Variants in APOL1 observed in about 807,000 individuals in gnomAD.
APOL1 encodes apolipoprotein L 1.
A neutral mutation model predicts 14.9 loss-of-function variants in APOL1; 17 were observed. The observed-to-expected ratio is 1.14, with a 90% confidence interval of 0.78 to 1.71. APOL1 has a LOEUF of 1.71. APOL1 is among the 40% of genes most tolerant of loss of function. APOL1 has a pLI of 0.00. For synonymous variants in APOL1, 195 were observed against 184.8 expected (o/e 1.05, Z -0.45); for missense variants, 523 against 485.9 (o/e 1.08, Z -0.72).
At position 36,255,005 on chromosome 22, in the gene APOL1, C is replaced by T. The variant is rs1311594164; in HGVS notation, c.44+6C>T. The T allele has an allele frequency of 6.2e-7, 1 of 1,613,214 alleles. No individual in the cohort carries two copies. The highest frequency in any genetic ancestry group is 1.1e-5 in the South Asian group (1 of 91,070). ...GTCTCTGTCCTCTGCATCTGGTGAG[C>T]TTGGCTCAGAGCCCTGAGGCGGGAG... On this transcript the variant is annotated splice_donor_region_variant and intron_variant, in intron 2 of 5. Coordinates refer to ENST00000397278, the MANE Select transcript of APOL1 (RefSeq NM_003661.4).
At chr22:36,258,624 G>T (rs2146301082) in intron 4 of APOL1, among the ~76,000 whole-genome samples, 1 of 152,310 alleles carries the variant, frequency 6.6e-6, no homozygotes. Flanking sequence ...AAACAGAAGT[G>T]CAGGCTCAGG....
chr22:36,259,787 C>G (rs1298129012), intron 4 of APOL1: 2 of 1,304,130 alleles, frequency 1.5e-6, no homozygotes, highest in African/African-American at 3.0e-5. Context: ...CCCCCATGCC[C>G]CGTCGAAGAA....
At chr22:36,255,837 T>C (rs2146296439) in intron 2 of APOL1, among the ~76,000 whole-genome samples, 1 of 150,882 alleles carries the variant, frequency 6.6e-6, no homozygotes, top group Non-Finnish European at 1.5e-5. Flanking sequence ...GGGCCTGAAA[T>C]GGTATTGTTA....
chr22:36,262,612 T>A (rs1049650132), intron 5 of APOL1, among the ~76,000 whole-genome samples: 6 of 152,152 alleles, frequency 3.9e-5, no homozygotes, highest in African/African-American at 1.4e-4. Context: ...GGGCTGGGAC[T>A]AGGGTGTGGA....
At chr22:36,256,214 G>T (rs1333722813) in intron 2 of APOL1, among the ~76,000 whole-genome samples, 1 of 152,088 alleles carries the variant, frequency 6.6e-6, no homozygotes, top group Admixed American at 6.5e-5. Context: ...AGACTACTGA[G>T]AGCCAGTAAG....
At position 36,266,109 on chromosome 22, in the gene APOL1, T is replaced by G. The variant is rs775011298; in HGVS notation, c.*76T>G. 451 of 1,432,436 alleles carry G rather than the reference T, an allele frequency of 3.1e-4. No homozygotes were observed. Among genetic ancestry groups the G allele is most frequent in the Non-Finnish European group, 4.1e-4 (434 of 1,063,136 alleles). 88.7% of individuals were successfully genotyped at this position (1,432,436 alleles called of 1,614,324 possible). On this transcript the variant is annotated 3_prime_UTR_variant, in exon 6 of 6. Coordinates refer to ENST00000397278, the MANE Select transcript of APOL1 (RefSeq NM_003661.4). ...CAAAATGCAAACTTTTTTTTTTTTC[T>G]GAGACAGAGTCTTGCTCTGTCGCCA...
intron 3 of APOL1, 89 bp downstream of exon 3, chr22:36,257,225 G>T (rs187772600): frequency 5.2e-5 from 83 of 1,606,290 alleles, no homozygotes; most frequent in South Asian, 6.6e-5. Context: ...TTCCACCCCA[G>T]AGAGATTTGC....
At chr22:36,256,952 A>T in intron 2 of APOL1, 131 bp from the exon 3 acceptor site, 1 of 911,520 alleles carries the variant, frequency 1.1e-6, no homozygotes, top group Non-Finnish European at 1.7e-6. Context: ...TAGTTATCAC[A>T]CATGCTCCCA....
At chr22:36,254,098 T>C (rs1160666196) in intron 1 of APOL1, 19 of 1,353,920 alleles carry the variant, frequency 1.4e-5, no homozygotes, top group South Asian at 6.0e-5. Context: ...GCTTCAATAT[T>C]AGAGTCACAA....
At position 36,266,378 on chromosome 22, in the gene APOL1, C is replaced by T. The variant is rs979438130; in HGVS notation, c.*345C>T. The T allele has an allele frequency of 1.7e-5, 7 of 401,310 alleles. No individual in the cohort carries two copies. The highest frequency in any genetic ancestry group is 1.0e-4 in the South Asian group (1 of 9,914). The allele number at this position is 401,310 out of a possible 1,614,324, so 24.9% of individuals were successfully genotyped here. On this transcript the variant is annotated 3_prime_UTR_variant, in exon 6 of 6. Transcript: ENST00000397278. ...TGCTGGGATTACAGGCGTGAGCCAT[C>T]GCTTTTGACCCAAATGCAAACATTT...
chr22:36,260,572 T>C (rs1011285376), intron 4 of APOL1, among the ~76,000 whole-genome samples: 11 of 151,684 alleles, frequency 7.3e-5, no homozygotes, highest in Admixed American at 1.3e-4. Flanking sequence ...AATCCTGCTC[T>C]GTACTGACTT....
At chr22:36,263,989 G>A (rs1311494189) in intron 5 of APOL1, among the ~76,000 whole-genome samples, 1 of 152,190 alleles carries the variant, frequency 6.6e-6, no homozygotes, top group Non-Finnish European at 1.5e-5. Context: ...AAGGGGGGAA[G>A]ACCCTCCCTA....
chr22:36,261,761 G>A (rs748124806), intron 5 of APOL1, 39 bp downstream of exon 5: 60 of 1,592,038 alleles, frequency 3.8e-5, no homozygotes, highest in South Asian at 1.0e-4. Flanking sequence ...GCACTCCGGC[G>A]ATGCCACCCA....
intron 4 of APOL1, chr22:36,259,660 TA>T: frequency 7.8e-7 from 1 of 1,286,508 alleles, no homozygotes; most frequent in Non-Finnish European, 1.0e-6. Context: ...ATCTGTGGTT[TA>T]ATAACAGGCC....
At chr22:36,264,810 CTTTTTTTTTTTTT>C (rs368899919) in intron 5 of APOL1, among the ~76,000 whole-genome samples, 1 of 120,430 alleles carries the variant, frequency 8.3e-6, no homozygotes, top group African/African-American at 2.9e-5. Flanking sequence ...AACTGCATTT[CTTTTTTTTTTTTT>C]TTTTTTTGAG....
chr22:36,266,823 T>C lies in APOL1; in HGVS notation c.*790T>C, dbSNP rs1272165048. On this transcript the variant is annotated 3_prime_UTR_variant, in exon 6 of 6. Transcript: ENST00000397278. The stretch of plus-strand genomic sequence containing the variant: ...GGGCGGCTGAGGCAGGAGAATGGCG[T>C]GAACCTGGGAGGTGGAGCTTGCAGT... 3.5e-6 allele frequency: 1 copy of C among 289,704 alleles called. No homozygotes were observed. The highest frequency in any genetic ancestry group is 2.2e-5 in the African/African-American group (1 of 44,896). 17.9% of individuals were successfully genotyped at this position (289,704 alleles called of 1,614,324 possible). A position where few individuals can be genotyped will look rare whatever the true frequency, so the allele number is the denominator to read the frequency against.
intron 4 of APOL1, among the ~76,000 whole-genome samples, chr22:36,261,108 T>C (rs887361597): frequency 2.0e-5 from 3 of 152,178 alleles, no homozygotes; most frequent in African/African-American, 7.2e-5. Context: ...TGTTTCAATG[T>C]TCTCAGGCTG....
chr22:36,256,003 C>T (rs189125506), intron 2 of APOL1, among the ~76,000 whole-genome samples: 12 of 152,292 alleles, frequency 7.9e-5, no homozygotes, highest in Admixed American at 3.9e-4. Context: ...CATATACCCT[C>T]AGTTGTACCC....
Position 36,266,542 on chromosome 22 carries a change from C to T in APOL1, c.*509C>T, listed in dbSNP as rs573404194. Reference sequence around the variant, plus strand: ...AAGGAGAAGGCAGGAACATTGGAGCCTGCAATAAGGGAAAAATGGGAACTG... The same window carrying T: ...AAGGAGAAGGCAGGAACATTGGAGCTTGCAATAAGGGAAAAATGGGAACTG... On this transcript the variant is annotated 3_prime_UTR_variant, in exon 6 of 6. Coordinates refer to ENST00000397278, the MANE Select transcript of APOL1 (RefSeq NM_003661.4). 1.3e-5 allele frequency: 5 copies of T among 399,438 alleles called. No homozygotes were observed. Among genetic ancestry groups the T allele is most frequent in the African/African-American group, 1.0e-4 (5 of 48,670 alleles). 24.7% of individuals were successfully genotyped at this position (399,438 alleles called of 1,614,324 possible). A position where few individuals can be genotyped will look rare whatever the true frequency, so the allele number is the denominator to read the frequency against.
Sources: allele counts gnomAD v4.1 joint callset (sites outside exome capture counted in the v4.1 genomes callset), GRCh38; gene constraint gnomAD v4.1.1; transcripts MANE v1.5; gene names NCBI Gene and HGNC (gene_info 2026-07-23, HGNC 2026-07-21).